The following RNF130 variants were observed in gnomAD, a reference collection of about 807,000 sequenced individuals.
The protein encoded by RNF130 is ring finger protein 130, also known as E3 ubiquitin-protein ligase RNF130.
In RNF130, 21 loss-of-function variants were observed where a neutral mutation model predicts 44.6. The ratio of observed to expected loss-of-function variants is 0.47; its 90% CI spans 0.33 to 0.68. The LOEUF (loss-of-function observed/expected upper bound fraction) is 0.68. RNF130 is among the 30% of genes least tolerant of loss of function. The pLI is 0.02. For missense variants in RNF130, 479 were observed against 560.6 expected, an observed-to-expected ratio of 0.85 and a Z score of 1.47; for synonymous variants, 214 against 210.4, an observed-to-expected ratio of 1.02 and a Z score of -0.15.
chr5:180,048,056 C>A (rs904469370), intron 1 of RNF130, among the ~76,000 whole-genome samples: 11 of 152,066 alleles, frequency 7.2e-5, no homozygotes, highest in African/African-American at 2.7e-4. Flanking sequence ...GCTGAGCAGC[C>A]CTCTTCTGAG....
chr5:180,051,527 G>A (rs1003254845), intron 1 of RNF130, among the ~76,000 whole-genome samples: 6 of 152,180 alleles, frequency 3.9e-5, no homozygotes, highest in Non-Finnish European at 5.9e-5. Context: ...GTGAGCCACC[G>A]CGCCCCGGCC....
chr5:180,012,989 G>T, intron 3 of RNF130, 72 bp downstream of exon 3: 1 of 1,493,980 alleles, frequency 6.7e-7, no homozygotes. Flanking sequence ...ATGTTAGTAA[G>T]ATGCATGGTC....
intron 2 of RNF130, among the ~76,000 whole-genome samples, chr5:180,021,267 C>T (rs1019864491): frequency 2.0e-5 from 3 of 152,166 alleles, no homozygotes; most frequent in African/African-American, 7.2e-5. Flanking sequence ...GGATTACAGG[C>T]GTGAGCCACT....
rs144147077 is a variant in RNF130, at chr5:180,006,568, C to T, written c.693+6493G>A. Among the ~76,000 whole-genome samples the T allele has an allele frequency of 2.9e-3, 449 of 152,262 alleles. 4 individuals carry two copies. The highest frequency in any genetic ancestry group is 0.014 in the Middle Eastern group (4 of 294). Reference sequence around the variant, plus strand: ...CAAATTTTAAATACCTTAAAAAGCACATGCATTTTCACTGGGAAGTTTTAA... The same window carrying T: ...CAAATTTTAAATACCTTAAAAAGCATATGCATTTTCACTGGGAAGTTTTAA... On this transcript the variant is annotated intron_variant, in intron 3 of 8. Transcript: ENST00000521389.
At chr5:179,922,003 A>G (rs1007270929) in intron 7 of RNF130, among the ~76,000 whole-genome samples, 3 of 151,796 alleles carry the variant, frequency 2.0e-5, no homozygotes, top group Non-Finnish European at 4.4e-5. Flanking sequence ...ACTGTGTGAC[A>G]GAGTGAGACT....
chr5:180,022,459 GT>G (rs1212389129), intron 2 of RNF130, among the ~76,000 whole-genome samples: 1 of 152,186 alleles, frequency 6.6e-6, no homozygotes, highest in Non-Finnish European at 1.5e-5. Context: ...CTGGACATCA[GT>G]TTTCCAGTGT....
At chr5:180,005,012 C>CTATTATG (rs1763430541) in intron 3 of RNF130, among the ~76,000 whole-genome samples, 1 of 152,190 alleles carries the variant, frequency 6.6e-6, no homozygotes, top group African/African-American at 2.4e-5. Flanking sequence ...CCTCTCCTCT[C>CTATTATG]TACATAACCT....
chr5:179,978,423 G>T, intron 4 of RNF130, 138 bp from the exon 5 acceptor site: 2 of 591,834 alleles, frequency 3.4e-6, no homozygotes, highest in Non-Finnish European at 5.9e-6. Context: ...AAATTATTTT[G>T]TTTTTATTTG....
At chr5:179,931,983 T>C (rs962019349) in intron 7 of RNF130, among the ~76,000 whole-genome samples, 2 of 152,296 alleles carry the variant, frequency 1.3e-5, no homozygotes, top group East Asian at 1.9e-4. Context: ...GCCAAGACAA[T>C]AGGGGTCTGC....
At chr5:179,928,652 G>A (rs1321194295) in intron 7 of RNF130, among the ~76,000 whole-genome samples, 3 of 148,020 alleles carry the variant, frequency 2.0e-5, no homozygotes, top group Non-Finnish European at 4.5e-5. Flanking sequence ...TTTTTGAGAC[G>A]GAGTCTCGCT....
chr5:180,055,407 G>A (rs1764792077), intron 1 of RNF130, among the ~76,000 whole-genome samples: 1 of 140,870 alleles, frequency 7.1e-6, no homozygotes, highest in South Asian at 2.5e-4. Flanking sequence ...GATTAACACT[G>A]GCTGCTTTCC....
At chr5:179,938,969 T>C (rs1421008441) in intron 7 of RNF130, among the ~76,000 whole-genome samples, 4 of 152,102 alleles carry the variant, frequency 2.6e-5, no homozygotes, top group Non-Finnish European at 5.9e-5. Flanking sequence ...AGCTCACGCC[T>C]ATAATGCCCA....
At chr5:179,992,047 T>C (rs949791649) in intron 3 of RNF130, among the ~76,000 whole-genome samples, 2 of 152,290 alleles carry the variant, frequency 1.3e-5, no homozygotes, top group South Asian at 2.1e-4. Flanking sequence ...TAAATACAAA[T>C]GAAGCTTCAG....
chr5:180,023,893 C>A (rs1433572999), intron 2 of RNF130, among the ~76,000 whole-genome samples: 1 of 152,174 alleles, frequency 6.6e-6, no homozygotes, highest in Non-Finnish European at 1.5e-5. Flanking sequence ...GAGTTAACTT[C>A]ACAGTGGAGA....
chr5:179,993,865 C>T (rs1315529319), intron 3 of RNF130, among the ~76,000 whole-genome samples: 1 of 152,160 alleles, frequency 6.6e-6, no homozygotes, highest in Non-Finnish European at 1.5e-5. Context: ...TTAAGTCTAA[C>T]ATTTAAGTCT....
chr5:180,067,579 T>A (rs1244240916), intron 1 of RNF130, among the ~76,000 whole-genome samples: 1 of 152,168 alleles, frequency 6.6e-6, no homozygotes, highest in Non-Finnish European at 1.5e-5. Flanking sequence ...CATTCAAATG[T>A]GAAGGAAAAA....
chr5:180,040,774 C>A (rs1160728414), intron 1 of RNF130, 127 bp from the exon 2 acceptor site: 1 of 746,442 alleles, frequency 1.3e-6, no homozygotes, highest in Non-Finnish European at 2.1e-6. Context: ...GCCAGCAGAG[C>A]TATGAATACA....
intron 7 of RNF130, among the ~76,000 whole-genome samples, chr5:179,923,855 T>C (rs1392151292): frequency 6.6e-6 from 1 of 152,252 alleles, no homozygotes; most frequent in African/African-American, 2.4e-5. Flanking sequence ...ATTGTCTTGA[T>C]TACTGTAGCT....
chr5:180,035,088 G>C (rs976766257), intron 2 of RNF130, among the ~76,000 whole-genome samples: 1 of 152,072 alleles, frequency 6.6e-6, no homozygotes, highest in South Asian at 2.1e-4. Context: ...TTGTTCTACT[G>C]GTTTGGGGTT....
Sources: gnomAD v4.1 joint callset for allele counts (sites outside exome capture counted in the v4.1 genomes callset) on GRCh38, gnomAD v4.1.1 for gene constraint, MANE v1.5 for transcripts, NCBI Gene and HGNC (gene_info 2026-07-23, HGNC 2026-07-21) for gene names.